CHD7: variants seen among roughly 807,000 people sequenced by gnomAD.
The protein encoded by CHD7 is chromodomain helicase DNA binding protein 7.
A neutral mutation model predicts 307.3 loss-of-function variants in CHD7; 24 were observed. The observed-to-expected ratio is 0.08, with a 90% confidence interval of 0.06 to 0.11. CHD7 has a LOEUF of 0.11. Ranked by LOEUF, CHD7 falls within the 10% of genes least tolerant of loss-of-function variation. The pLI, the probability that CHD7 is intolerant of heterozygous loss-of-function variation, is 1.00. For missense variants in CHD7, 3,106 were observed against 3,727.1 expected (o/e 0.83, Z 4.34); for synonymous variants, 1,363 against 1,349.9 (o/e 1.01, Z -0.21).
chr8:60,722,183 C>T (rs957093075), intron 1 of CHD7, among the ~76,000 whole-genome samples: 1 of 152,142 alleles, frequency 6.6e-6, no homozygotes, highest in East Asian at 1.9e-4. Flanking sequence ...AAAAGCCAGG[C>T]AGTTTAGCTA....
At chr8:60,724,533 A>T (rs1195486753) in intron 1 of CHD7, among the ~76,000 whole-genome samples, 2 of 152,118 alleles carry the variant, frequency 1.3e-5, no homozygotes, top group Non-Finnish European at 2.9e-5. Flanking sequence ...ATGGAATGCA[A>T]ATTTTCATAG....
At chr8:60,817,373 A>C (rs1803798529) in intron 8 of CHD7, among the ~76,000 whole-genome samples, 1 of 152,204 alleles carries the variant, frequency 6.6e-6, no homozygotes, top group African/African-American at 2.4e-5. Flanking sequence ...TTTGGAGATG[A>C]AGGAAAGTGG....
At chr8:60,690,784 G>A (rs961788500) in intron 1 of CHD7, among the ~76,000 whole-genome samples, 4 of 152,134 alleles carry the variant, frequency 2.6e-5, no homozygotes, top group East Asian at 1.9e-4. Context: ...CTGTTGTCTC[G>A]GTATGGTGAA....
At chr8:60,862,393 G>GT in intron 36 of CHD7, 57 bp downstream of exon 36, 2 of 1,547,520 alleles carry the variant, frequency 1.3e-6, no homozygotes, top group Non-Finnish European at 1.7e-6. Flanking sequence ...AGAAGGAAGT[G>GT]TTTTATCCTG....
At chr8:60,708,872 C>G (rs1807145856) in intron 1 of CHD7, among the ~76,000 whole-genome samples, 1 of 152,128 alleles carries the variant, frequency 6.6e-6, no homozygotes, top group East Asian at 1.9e-4. Flanking sequence ...GGCACATGTC[C>G]CTATGTACAT....
intron 1 of CHD7, among the ~76,000 whole-genome samples, chr8:60,686,348 TAAAAAAAAAA>T (rs10555815): frequency 2.0e-5 from 3 of 148,816 alleles, no homozygotes; most frequent in African/African-American, 7.4e-5. Context: ...CAGTTTTTCT[TAAAAAAAAAA>T]AAAAAAAACT....
intron 17 of CHD7, among the ~76,000 whole-genome samples, chr8:60,837,425 G>A (rs1218294484): frequency 6.6e-5 from 10 of 152,144 alleles, no homozygotes; most frequent in African/African-American, 2.2e-4. Flanking sequence ...CCCTCTTCCT[G>A]GTTTATGGAC....
At chr8:60,783,745 G>T (rs1686421803) in intron 3 of CHD7, among the ~76,000 whole-genome samples, 1 of 152,112 alleles carries the variant, frequency 6.6e-6, no homozygotes, top group Non-Finnish European at 1.5e-5. Flanking sequence ...CTGCTGCAGT[G>T]TGGCCCAAAG....
intron 2 of CHD7, among the ~76,000 whole-genome samples, chr8:60,763,547 A>G (rs1055492311): frequency 6.6e-6 from 1 of 152,090 alleles, no homozygotes; most frequent in African/African-American, 2.4e-5. Flanking sequence ...AGTTGATGGA[A>G]GAATTTAGGA....
chr8:60,715,363 G>C (rs975609047), intron 1 of CHD7, among the ~76,000 whole-genome samples: 1 of 138,216 alleles, frequency 7.2e-6, no homozygotes, highest in Non-Finnish European at 1.5e-5. Flanking sequence ...TTGCTTTGTC[G>C]CCCAGGCTGG....
chr8:60,706,145 T>A (rs1360570831), intron 1 of CHD7, among the ~76,000 whole-genome samples: 1 of 152,138 alleles, frequency 6.6e-6, no homozygotes, highest in African/African-American at 2.4e-5. Flanking sequence ...ACACAGACCC[T>A]TTTACACCAT....
At chr8:60,864,941 C>T in intron 37 of CHD7, 75 bp from the exon 38 acceptor site, 1 of 1,417,536 alleles carries the variant, frequency 7.1e-7, no homozygotes, top group Non-Finnish European at 9.6e-7. Flanking sequence ...GGCAGGTTCA[C>T]CACAGAGGCT....
intron 5 of CHD7, 27 bp from the exon 6 acceptor site, chr8:60,801,501 G>A (rs758835712): frequency 7.2e-6 from 11 of 1,532,366 alleles, no homozygotes; most frequent in Non-Finnish European, 9.8e-6. Context: ...TTTCTATTTG[G>A]ATTGATGCAC....
chr8:60,775,905 A>T (rs1810928332), intron 2 of CHD7, among the ~76,000 whole-genome samples: 1 of 151,578 alleles, frequency 6.6e-6, no homozygotes, highest in African/African-American at 2.4e-5. Context: ...TTACAGGTGC[A>T]TACCACCACG....
chr8:60,842,164 C>T, intron 21 of CHD7, 112 bp downstream of exon 21: 1 of 836,560 alleles, frequency 1.2e-6, no homozygotes, highest in South Asian at 1.8e-5. Context: ...CCCCTTTGCA[C>T]AGTCAAATGA....
intron 1 of CHD7, among the ~76,000 whole-genome samples, chr8:60,714,248 C>T (rs548214688): frequency 9.2e-5 from 14 of 152,190 alleles, no homozygotes; most frequent in African/African-American, 3.4e-4. Flanking sequence ...GCGGAAGGCC[C>T]TCATAAGGCC....
intron 1 of CHD7, among the ~76,000 whole-genome samples, chr8:60,730,586 C>T (rs770280069): frequency 1.2e-4 from 18 of 152,148 alleles, no homozygotes; most frequent in Non-Finnish European, 2.2e-4. Flanking sequence ...GGAGGCCGGG[C>T]GTGGTGGCTC....
At chr8:60,802,624 T>A (rs1297143752) in intron 6 of CHD7, among the ~76,000 whole-genome samples, 1 of 152,224 alleles carries the variant, frequency 6.6e-6, no homozygotes, top group African/African-American at 2.4e-5. Context: ...ACTGCTGGGA[T>A]TACAGGTGTG....
At position 60,865,980 on chromosome 8, in the gene CHD7, A is replaced by G; in HGVS notation, c.*47A>G. The stretch of plus-strand genomic sequence containing the variant: ...GTGTTTAAAACTTTTGACAAGTGGT[A>G]GTCCTACTGTTTACACTCACAGTTA... On this transcript the variant is annotated 3_prime_UTR_variant, in exon 38 of 38. Transcript: ENST00000423902. The surrounding 1 kb of genome is among the most constrained non-coding windows in gnomAD (Gnocchi z 4.3). The G allele has an allele frequency of 6.8e-7, 1 of 1,476,076 alleles. No individual in the cohort carries two copies. Among genetic ancestry groups the G allele is most frequent in the Non-Finnish European group, 9.3e-7 (1 of 1,077,116 alleles). The allele number at this position is 1,476,076 out of a possible 1,614,324, so 91.4% of individuals were successfully genotyped here. A position where few individuals can be genotyped will look rare whatever the true frequency, so the allele number is the denominator to read the frequency against.
Sources: gnomAD v4.1 joint callset for allele counts (sites outside exome capture counted in the v4.1 genomes callset) on GRCh38, gnomAD v4.1.1 for gene constraint, Gnocchi (gnomAD v3.1) non-coding constraint, MANE v1.5 for transcripts, NCBI Gene and HGNC (gene_info 2026-07-23, HGNC 2026-07-21) for gene names.